Variants in MBTD1 observed in about 807,000 individuals in gnomAD.
MBTD1 encodes the protein mbt domain containing 1.
In MBTD1, 24 loss-of-function variants were observed where a neutral mutation model predicts 87.8. That is an observed-to-expected ratio of 0.27 (90% CI 0.20 to 0.38). The LOEUF (loss-of-function observed/expected upper bound fraction) is 0.38. MBTD1 is among the 10% of genes least tolerant of loss of function. The pLI, the probability that MBTD1 is intolerant of heterozygous loss-of-function variation, is 1.00. For missense variants in MBTD1, 436 were observed against 760.2 expected (o/e 0.57, Z 5.02); for synonymous variants, 237 against 248.6 (o/e 0.95, Z 0.44).
chr17:51,229,333 C>A (rs969781550), intron 2 of MBTD1, among the ~76,000 whole-genome samples: 10 of 151,962 alleles, frequency 6.6e-5, no homozygotes, highest in South Asian at 2.1e-4. Flanking sequence ...ACACTTTAAG[C>A]TAAAATTTTT....
upstream of MBTD1, chr17:51,260,379 G>A (rs2055404194): frequency 3.4e-6 from 2 of 592,764 alleles, no homozygotes; most frequent in Middle Eastern, 4.6e-4. Context: ...CCGGAAGATT[G>A]GCCCTCCCGG....
chr17:51,225,086 C>T lies in MBTD1; in HGVS notation c.76G>A (p.Ala26Thr), dbSNP rs376120106. 6 of 1,551,506 alleles carry T rather than the reference C, an allele frequency of 3.9e-6. No homozygotes were observed. The highest frequency in any genetic ancestry group is 2.4e-5 in the South Asian group (2 of 84,006). ...SSSEESEEEV[A>T]PLPSNLPIIK... ...ATCGGGAGATTAGAAGGTAAAGGAGCGACTTCTTCCTCACTCTCTTCGGAG... is the reference window on the plus strand; with the variant it reads ...ATCGGGAGATTAGAAGGTAAAGGAGTGACTTCTTCCTCACTCTCTTCGGAG... The change falls in exon 3 of 17, where the codon GCT (alanine) becomes ACT (threonine). Residue 26 changes from alanine to threonine, a missense_variant. Transcript: ENST00000586178.
At chr17:51,207,979 T>G (rs2051946616) in intron 6 of MBTD1, among the ~76,000 whole-genome samples, 1 of 152,190 alleles carries the variant, frequency 6.6e-6, no homozygotes, top group African/African-American at 2.4e-5. Flanking sequence ...GACTTGATAG[T>G]ATGAACAAAT....
chr17:51,244,501 G>A (rs1301002051), intron 2 of MBTD1, among the ~76,000 whole-genome samples: 5 of 151,570 alleles, frequency 3.3e-5, no homozygotes, highest in East Asian at 2.0e-4. Flanking sequence ...TCTGCCTCCC[G>A]GGTTCAAGTG....
upstream of MBTD1, chr17:51,260,157 C>A (rs570224196): frequency 8.1e-6 from 3 of 369,186 alleles, no homozygotes; most frequent in African/African-American, 2.1e-5. Flanking sequence ...CCTCTGCAGG[C>A]TCCGTACTCC....
Position 51,217,424 on chromosome 17 carries a change from G to A in MBTD1, c.404-8C>T. ...AACCTTCCATGGAGACTGCTAAAAT[G>A]AAACAAATTTAGATGTATTATAATT... On this transcript the variant is annotated splice_region_variant and splice_polypyrimidine_tract_variant and intron_variant, in intron 5 of 16. Coordinates refer to ENST00000586178, the MANE Select transcript of MBTD1 (RefSeq NM_017643.3). 7.1e-7 allele frequency: 1 copy of A among 1,402,684 alleles called. No homozygotes were observed. Among genetic ancestry groups the A allele is most frequent in the Non-Finnish European group, 9.7e-7 (1 of 1,032,968 alleles). 86.9% of individuals were successfully genotyped at this position (1,402,684 alleles called of 1,614,324 possible).
At position 51,206,990 on chromosome 17, in the gene MBTD1, A is replaced by T. The variant is rs140217800; in HGVS notation, c.502T>A (p.Cys168Ser). The T allele has an allele frequency of 6.0e-5, 95 of 1,596,406 alleles. No homozygotes were observed. The highest frequency in any genetic ancestry group is 7.8e-5 in the Non-Finnish European group (91 of 1,164,154). Residue 168 changes from cysteine to serine, a missense_variant, in exon 7 of 17, where the codon TGC (cysteine) becomes AGC (serine). This residue lies in a region of MBTD1 where 268 missense variants were observed against 401.8 expected (regional missense o/e 0.67). Transcript: ENST00000586178. ...ACATTTTCTGAGATATCACCCCAGC[A>T]GGTCCCCATAGGTGCCTGTCACATA... ...TCFKHAPMGT[C>S]WGDISENVRV...
At chr17:51,201,222 G>A (rs995514484) in intron 12 of MBTD1, among the ~76,000 whole-genome samples, 1 of 151,952 alleles carries the variant, frequency 6.6e-6, no homozygotes, top group African/African-American at 2.4e-5. Flanking sequence ...GAGAAAAGCA[G>A]CAAAAACTAC....
At chr17:51,219,543 G>C (rs2052766159) in intron 4 of MBTD1, among the ~76,000 whole-genome samples, 1 of 152,154 alleles carries the variant, frequency 6.6e-6, no homozygotes, top group South Asian at 2.1e-4. Flanking sequence ...CCATCCATTT[G>C]GGTACAGACC....
At chr17:51,197,249 TCAC>T (rs2051187092) in intron 12 of MBTD1, among the ~76,000 whole-genome samples, 1 of 150,408 alleles carries the variant, frequency 6.6e-6, no homozygotes, top group Non-Finnish European at 1.5e-5. Context: ...TTACAGGTGC[TCAC>T]CACCACACCC....
chr17:51,227,353 G>A (rs910551639), intron 2 of MBTD1, among the ~76,000 whole-genome samples: 1 of 151,932 alleles, frequency 6.6e-6, no homozygotes, highest in South Asian at 2.1e-4. Flanking sequence ...TTGAGCCCAG[G>A]AGTTCAAGAC....
chr17:51,193,830 G>A (rs1029119055), intron 13 of MBTD1, among the ~76,000 whole-genome samples: 9 of 152,048 alleles, frequency 5.9e-5, no homozygotes, highest in South Asian at 2.1e-4. Context: ...TATGTTGCCC[G>A]GGTTGTTCTC....
intron 2 of MBTD1, among the ~76,000 whole-genome samples, chr17:51,235,939 A>G (rs1350855350): frequency 6.6e-6 from 1 of 152,190 alleles, no homozygotes; most frequent in Non-Finnish European, 1.5e-5. Context: ...GGGTTTTAGC[A>G]TGAATATAGA....
chr17:51,260,638 G>A (rs537645178), upstream of MBTD1: 3 of 1,612,614 alleles, frequency 1.9e-6, no homozygotes, highest in Admixed American at 3.3e-5. Flanking sequence ...CCGGAGCGAA[G>A]CCGAAGCGGA....
At chr17:51,198,986 G>T (rs1489620729) in intron 12 of MBTD1, among the ~76,000 whole-genome samples, 2 of 152,076 alleles carry the variant, frequency 1.3e-5, no homozygotes, top group Non-Finnish European at 2.9e-5. Context: ...TATGGAGATG[G>T]GGTTTTATCA....
rs139387129 is a variant in MBTD1 at position 51,187,866 on chromosome 17, G to T, written c.1768+4337C>A. On this transcript the variant is annotated intron_variant, in intron 16 of 16. Transcript: ENST00000586178. ...TCTGTCTCAAAAAGAAAGAAAGAAAGAAAAAAAAAAAAAAAGCAAAGGGAT... is the reference window on the plus strand; with the variant it reads ...TCTGTCTCAAAAAGAAAGAAAGAAATAAAAAAAAAAAAAAAGCAAAGGGAT... Among the ~76,000 whole-genome samples, 66 of 118,150 alleles carry T rather than the reference G, an allele frequency of 5.6e-4. 1 individual carries two copies. The South Asian group carries it at 0.019, about 35-fold the overall frequency. 77.5% of individuals were successfully genotyped at this position (118,150 alleles called of 152,430 possible).
At chr17:51,204,072 C>T (rs916105175) in intron 7 of MBTD1, 147 bp from the exon 8 acceptor site, 13 of 659,274 alleles carry the variant, frequency 2.0e-5, no homozygotes, top group Non-Finnish European at 3.4e-5. Context: ...GGGTCTCACT[C>T]CAGAGATTCT....
upstream of MBTD1, chr17:51,260,653 C>G (rs755322303): frequency 6.2e-6 from 10 of 1,612,320 alleles, no homozygotes; most frequent in South Asian, 5.5e-5. Flanking sequence ...AGCGGAAGCC[C>G]GGAATGAGGC....
rs1491272569 is a variant in MBTD1, at chr17:51,179,481, A to ATTATATATATATATATAT, written c.*1094_*1095insATATATATATATATATAA. 2,929 of 49,192 alleles carry ATTATATATATATATATAT rather than the reference A, an allele frequency of 0.06. 392 individuals carry two copies. The highest frequency in any genetic ancestry group is 0.095 in the African/African-American group (1,314 of 13,786). 3.0% of individuals were successfully genotyped at this position (49,192 alleles called of 1,614,324 possible). On this transcript the variant is annotated 3_prime_UTR_variant, in exon 17 of 17. Transcript: ENST00000586178. ...TAAATCCTGAATACAATTAAAGACAATTTTATATATATATATATATATATA... is the reference window on the plus strand; with the variant it reads ...TAAATCCTGAATACAATTAAAGACAATTATATATATATATATATTTTTATATATATATATATATATATA...
Sources: allele counts gnomAD v4.1 joint callset (sites outside exome capture counted in the v4.1 genomes callset), GRCh38; gene constraint gnomAD v4.1.1; regional missense constraint gnomAD v4.1.1; transcripts MANE v1.5; gene names NCBI Gene and HGNC (gene_info 2026-07-23, HGNC 2026-07-21).